Variants in ZNF267 observed in about 807,000 individuals in gnomAD.
ZNF267 encodes the protein zinc finger (C2H2).
A neutral mutation model predicts 71.6 loss-of-function variants in ZNF267; 61 were observed. That is an observed-to-expected ratio of 0.85 (90% CI 0.69 to 1.05). The LOEUF (loss-of-function observed/expected upper bound fraction) is 1.05. Ranked by LOEUF, ZNF267 falls within the 50% of genes least tolerant of loss-of-function variation. The pLI is 0.00. For missense variants in ZNF267, 852 were observed against 870.0 expected, an observed-to-expected ratio of 0.98 and a Z score of 0.26; for synonymous variants, 288 against 293.2, an observed-to-expected ratio of 0.98 and a Z score of 0.18.
At chr16:31,914,067 A>ATT (rs747739992) in intron 3 of ZNF267, 13 of 164,692 alleles carry the variant, frequency 7.9e-5, no homozygotes, top group Non-Finnish European at 1.4e-4. Flanking sequence ...ATGATGTGTT[A>ATT]TTGGGGTACC....
chr16:31,890,539 A>G (rs1410137713), intron 3 of ZNF267, among the ~76,000 whole-genome samples: 1 of 152,252 alleles, frequency 6.6e-6, no homozygotes, highest in African/African-American at 2.4e-5. Flanking sequence ...GTTTAAAAAA[A>G]TTCATTTAGC....
chr16:31,907,019 A>G (rs1345494186), intron 3 of ZNF267, among the ~76,000 whole-genome samples: 4 of 151,970 alleles, frequency 2.6e-5, no homozygotes, highest in Non-Finnish European at 5.9e-5. Flanking sequence ...CACTTTCAAT[A>G]TATCATCCTG....
chr16:31,916,425 A>C lies in ZNF267; in HGVS notation c.2176A>C (p.Asn726His). 1 of 1,614,162 alleles carries C rather than the reference A, an allele frequency of 6.2e-7. No individual in the cohort carries two copies. Among genetic ancestry groups the C allele is most frequent in the Non-Finnish European group, 8.5e-7 (1 of 1,180,006 alleles). ...YKCEECGKAFNSRSYLIAHQR... is the reference protein window; with the variant it reads ...YKCEECGKAFHSRSYLIAHQR... Reference sequence around the variant, plus strand: ...ATGTGAAGAATGTGGCAAAGCCTTTAACTCTAGGTCATACCTCATTGCACA... The same window carrying C: ...ATGTGAAGAATGTGGCAAAGCCTTTCACTCTAGGTCATACCTCATTGCACA... The change falls in exon 4 of 4, where the codon AAC becomes CAC. Residue 726 changes from asparagine to histidine, a missense_variant. Transcript: ENST00000300870.
rs1481205283 is a variant in ZNF267, at chr16:31,874,108, G to GC, written c.3+142dup. The stretch of plus-strand genomic sequence containing the variant: ...CCCGAGTCCCAACTGGTGCAGCTCG[G>GC]CCCTCGGTCCCCTCCGCTGCAAGAT... On this transcript the variant is annotated intron_variant, in intron 1 of 3. Transcript: ENST00000300870. 4 of 935,662 alleles carry GC rather than the reference G, an allele frequency of 4.3e-6. No individual in the cohort carries two copies. In the East Asian group the frequency reaches 1.1e-4, roughly 25 times the overall value. 58.0% of individuals were successfully genotyped at this position (935,662 alleles called of 1,614,324 possible).
chr16:31,888,220 A>G (rs1202304648), intron 3 of ZNF267, among the ~76,000 whole-genome samples: 1 of 151,974 alleles, frequency 6.6e-6, no homozygotes, highest in East Asian at 1.9e-4. Flanking sequence ...TTGTGGCCTC[A>G]ACTTTACTGA....
In ZNF267 at chr16:31,878,908, C is replaced by T. The variant is rs1398398594; in HGVS notation, c.3+4939C>T. ...GCAAATACAAATTAGAAATACAAGACTTAATCCTTCTTGAAAATAAGGAAA... is the reference window on the plus strand; with the variant it reads ...GCAAATACAAATTAGAAATACAAGATTTAATCCTTCTTGAAAATAAGGAAA... On this transcript the variant is annotated intron_variant, in intron 1 of 3. Transcript: ENST00000300870. Among the ~76,000 whole-genome samples the T allele has an allele frequency of 8.5e-5, 13 of 152,124 alleles. 1 individual carries two copies. The highest frequency in any genetic ancestry group is 8.5e-4 in the Admixed American group (13 of 15,266).
intron 3 of ZNF267, among the ~76,000 whole-genome samples, chr16:31,903,854 C>T (rs1332203298): frequency 6.6e-6 from 1 of 152,012 alleles, no homozygotes; most frequent in Non-Finnish European, 1.5e-5. Context: ...GCTCTTGCTT[C>T]TCTAGTTCTT....
chr16:31,886,077 T>C (rs1326353089), intron 3 of ZNF267, among the ~76,000 whole-genome samples: 4 of 152,228 alleles, frequency 2.6e-5, no homozygotes, highest in African/African-American at 4.8e-5. Context: ...TGAGAATGTG[T>C]CCTTTAGTTC....
At chr16:31,901,568 A>G (rs371379387) in intron 3 of ZNF267, among the ~76,000 whole-genome samples, 24 of 152,106 alleles carry the variant, frequency 1.6e-4, no homozygotes, top group East Asian at 7.7e-4. Flanking sequence ...GCATTTTTTC[A>G]TGTGTCTTTT....
Position 31,916,311 on chromosome 16 carries a change from T to C in ZNF267, c.2062T>C (p.Tyr688His). ...GAGAAGACATACTGGAGAGAGACCCTACAAATGTGATGAATGTGGTAAAGC... is the reference window on the plus strand; with the variant it reads ...GAGAAGACATACTGGAGAGAGACCCCACAAATGTGATGAATGTGGTAAAGC... Reference protein sequence around the residue: ...HRRRHTGERPYKCDECGKAFS... With the variant: ...HRRRHTGERPHKCDECGKAFS... Residue 688 changes from tyrosine to histidine, a missense_variant, in exon 4 of 4, where the codon TAC becomes CAC. By Grantham distance (83) the Tyr-to-His change is moderately conservative (BLOSUM62 2). Coordinates refer to ENST00000300870, the MANE Select transcript of ZNF267 (RefSeq NM_003414.6). 6.2e-7 allele frequency: 1 copy of C among 1,614,110 alleles called. No homozygotes were observed. The highest frequency in any genetic ancestry group is 1.1e-5 in the South Asian group (1 of 91,066).
chr16:31,902,885 A>G (rs1192889884), intron 3 of ZNF267, among the ~76,000 whole-genome samples: 1 of 152,084 alleles, frequency 6.6e-6, no homozygotes, highest in African/African-American at 2.4e-5. Context: ...TTCAAAGGGA[A>G]TGCTTCCAGT....
In ZNF267 at chr16:31,916,033, G is replaced by A. The variant is rs764187152; in HGVS notation, c.1784G>A (p.Arg595Gln). 1.5e-5 allele frequency: 24 copies of A among 1,610,398 alleles called. No individual in the cohort carries two copies. The highest frequency in any genetic ancestry group is 3.3e-4 in the Middle Eastern group (2 of 6,058). The change falls in exon 4 of 4, where the codon CGG (arginine) becomes CAG (glutamine). Residue 595 changes from arginine to glutamine, a missense_variant. Arg to Gln is a conservative substitution (Grantham distance 43, BLOSUM62 1). Coordinates refer to ENST00000300870, the MANE Select transcript of ZNF267 (RefSeq NM_003414.6). ...FSDSSGLTVH[R>Q]RTHTGEKPYT... ...GACTCCTCAGGTCTTACTGTGCATC[G>A]GCGAACTCATACTGGAGAGAAACCC...
At chr16:31,881,088 A>AT (rs201149586) in intron 1 of ZNF267, among the ~76,000 whole-genome samples, 2,914 of 152,194 alleles carry the variant, frequency 0.019, 39 homozygotes, top group Admixed American at 0.026. Context: ...ATTTATATTG[A>AT]TTTTTTCTTG....
intron 3 of ZNF267, among the ~76,000 whole-genome samples, chr16:31,902,827 A>T (rs1290813375): frequency 6.6e-6 from 1 of 152,062 alleles, no homozygotes; most frequent in Non-Finnish European, 1.5e-5. Context: ...TTCCAACACT[A>T]TGTTGAATAG....
intron 1 of ZNF267, among the ~76,000 whole-genome samples, chr16:31,876,372 G>C (rs945729432): frequency 6.6e-6 from 1 of 151,798 alleles, no homozygotes; most frequent in African/African-American, 2.4e-5. Flanking sequence ...CTGCGCCATG[G>C]CTGGCTATTT....
intron 3 of ZNF267, among the ~76,000 whole-genome samples, chr16:31,902,582 G>T: frequency 6.6e-6 from 1 of 151,850 alleles, no homozygotes; most frequent in African/African-American, 2.4e-5. Context: ...CTCATGATTT[G>T]GCTCTCTGTT....
chr16:31,906,753 C>T (rs542586182), intron 3 of ZNF267, among the ~76,000 whole-genome samples: 39 of 152,122 alleles, frequency 2.6e-4, no homozygotes, highest in African/African-American at 7.7e-4. Flanking sequence ...CACCCTGCTT[C>T]GGCTCACGCA....
chr16:31,875,746 ACCACTC>A (rs1462503441), intron 1 of ZNF267, among the ~76,000 whole-genome samples: 6 of 152,170 alleles, frequency 3.9e-5, no homozygotes, highest in Non-Finnish European at 8.8e-5. Flanking sequence ...CAACAGCATT[ACCACTC>A]CCTGAGTTTG....
rs2084167357 is a variant in ZNF267, at chr16:31,915,374, T to C, written c.1125T>C (p.Thr375=). The C allele has an allele frequency of 6.2e-7, 1 of 1,613,542 alleles. No individual in the cohort carries two copies. Among genetic ancestry groups the C allele is most frequent in the Non-Finnish European group, 8.5e-7 (1 of 1,179,800 alleles). Residue 375 remains threonine (T), a synonymous_variant, in exon 4 of 4, where the codon ACT becomes ACC. Transcript: ENST00000300870. ...TTACTAAACAGCAGCAAATTGATAC[T>C]GGAGAAAACCTTTACAAATGTAAAG... is the stretch of plus-strand genomic sequence containing the variant. ...LYLTKQQQID[T]GENLYKCKAC...
Sources: gnomAD v4.1 joint callset for allele counts (sites outside exome capture counted in the v4.1 genomes callset) on GRCh38, gnomAD v4.1.1 for gene constraint, MANE v1.5 for transcripts, NCBI Gene and HGNC (gene_info 2026-07-23, HGNC 2026-07-21) for gene names.